MYOCD: variants seen among roughly 807,000 people sequenced by gnomAD.
The protein encoded by MYOCD is myocardin.
MYOCD carries 32 observed loss-of-function variants against 96.1 expected under a neutral mutation model. The observed-to-expected ratio is 0.33, with a 90% CI of 0.25 to 0.45. MYOCD has a LOEUF of 0.45. Among genes scored for constraint, MYOCD ranks in the 20% least tolerant of loss-of-function variants. The probability of loss-of-function intolerance (pLI) is 1.00; values close to 1 mark genes in which losing one functional copy is unlikely to be tolerated. For synonymous variants in MYOCD, 469 were observed against 469.0 expected, an observed-to-expected ratio of 1.00 and a Z score of 0.00; for missense variants, 1,133 against 1,200.6, an observed-to-expected ratio of 0.94 and a Z score of 0.83.
rs755516992 is a variant in MYOCD, at chr17:12,752,726, C to T, written c.1438C>T (p.Pro480Ser). 2 of 1,614,168 alleles carry T rather than the reference C, an allele frequency of 1.2e-6. No individual in the cohort carries two copies. Among genetic ancestry groups the T allele is most frequent in the East Asian group, 2.2e-5 (1 of 44,880 alleles). The change falls in exon 10 of 14, where the codon CCC (proline) becomes TCC (serine). Residue 480 changes from proline to serine, a missense_variant. Pro to Ser is a moderately conservative substitution (Grantham distance 74). Transcript: ENST00000425538. ...GCCGGACACCTTCAATGATGCCTCC[C>T]CCTCCTTCGGCCTGCACCCGTCCCC... is the stretch of plus-strand genomic sequence containing the variant. ...SLPDTFNDASPSFGLHPSPVH... is the reference protein window; with the variant it reads ...SLPDTFNDASSSFGLHPSPVH...
intron 5 of MYOCD, among the ~76,000 whole-genome samples, chr17:12,735,058 G>A (rs769472792): frequency 3.9e-5 from 6 of 152,162 alleles, no homozygotes; most frequent in Non-Finnish European, 8.8e-5. Context: ...GCCAGCAGTG[G>A]TGGCGATGAC....
Position 12,752,703 on chromosome 17 carries a change from C to G in MYOCD, c.1415C>G (p.Pro472Arg). 6.2e-7 allele frequency: 1 copy of G among 1,614,190 alleles called. No individual in the cohort carries two copies. Among genetic ancestry groups the G allele is most frequent in the Non-Finnish European group, 8.5e-7 (1 of 1,180,038 alleles). Residue 472 changes from proline to arginine, a missense_variant, in exon 10 of 14, where the codon CCG becomes CGG. Pro to Arg is a moderately radical substitution (Grantham distance 103). Transcript: ENST00000425538. ...SSDLSVAGSL[P>R]DTFNDASPSF... is the part of the protein sequence containing the mutation. ...GACCTGTCAGTCGCTGGGTCCCTGC[C>G]GGACACCTTCAATGATGCCTCCCCC...
At position 12,717,353 on chromosome 17, in the gene MYOCD, A is replaced by C; in HGVS notation, c.185A>C (p.Asn62Thr). The C allele has an allele frequency of 6.2e-7, 1 of 1,614,012 alleles. No homozygotes were observed. Among genetic ancestry groups the C allele is most frequent in the Non-Finnish European group, 8.5e-7 (1 of 1,179,906 alleles). The change falls in exon 4 of 14, where the codon AAT becomes ACT. Residue 62 changes from asparagine (N) to threonine (T), a missense_variant. Physicochemically the swap from Asn to Thr is moderately conservative, Grantham distance 65. Transcript: ENST00000425538. ...CTTGTTTGGGTTCTACAGGCTAAAA[A>C]TTCCCTGAAGCGCAAAGCCAGAAAC... ...RKHLDSDKAK[N>T]SLKRKARNRC... is the part of the protein sequence containing the mutation.
At chr17:12,695,515 T>C (rs1378437873) in intron 1 of MYOCD, among the ~76,000 whole-genome samples, 1 of 152,238 alleles carries the variant, frequency 6.6e-6, no homozygotes, top group African/African-American at 2.4e-5. Context: ...TGTTTCTGCA[T>C]TAAGCTCATA....
Position 12,717,331 on chromosome 17 carries a change from G to A in MYOCD, c.178-15G>A, listed in dbSNP as rs1197650782. On this transcript the variant is annotated splice_polypyrimidine_tract_variant and intron_variant, in intron 3 of 13. Coordinates refer to ENST00000425538, the MANE Select transcript of MYOCD (RefSeq NM_001146312.3). ...AAGGTAAAACTAGGTGATTTCTCTT[G>A]TTTGGGTTCTACAGGCTAAAAATTC... The A allele has an allele frequency of 6.2e-7, 1 of 1,610,432 alleles. No homozygotes were observed. Among genetic ancestry groups the A allele is most frequent in the South Asian group, 1.1e-5 (1 of 90,686 alleles).
In MYOCD at chr17:12,697,335, G is replaced by GTATA. The variant is rs1007347099; in HGVS notation, c.56-7771_56-7768dup. Among the ~76,000 whole-genome samples the GTATA allele has an allele frequency of 2.5e-3, 233 of 92,000 alleles. 4 individuals carry two copies. Among genetic ancestry groups the GTATA allele is most frequent in the East Asian group, 6.5e-3 (20 of 3,096 alleles). The allele number at this position is 92,000 out of a possible 152,430, so 60.4% of individuals were successfully genotyped here. On this transcript the variant is annotated intron_variant, in intron 1 of 13. Coordinates refer to ENST00000425538, the MANE Select transcript of MYOCD (RefSeq NM_001146312.3). Reference sequence around the variant, plus strand: ...CTCATTCTTCTTTTCTGGTATAGGAGTATATATATATATATATATATATAT... The same window carrying GTATA: ...CTCATTCTTCTTTTCTGGTATAGGAGTATATATATATATATATATATATATATAT...
In MYOCD at chr17:12,752,650, C is replaced by T. The variant is rs772387820; in HGVS notation, c.1362C>T (p.Ser454=). 6 of 1,613,946 alleles carry T rather than the reference C, an allele frequency of 3.7e-6. No individual in the cohort carries two copies. Among genetic ancestry groups the T allele is most frequent in the Non-Finnish European group, 4.2e-6 (5 of 1,179,960 alleles). ...TCTACCACTTTGGCAGCACCAGCTC[C>T]AGCCCCCCGATCTCCCCAGCCTCCT... The part of the protein sequence containing the change: ...NGFYHFGSTS[S]SPPISPASSD... The change falls in exon 10 of 14, where the codon TCC becomes TCT. Residue 454 remains serine, a synonymous_variant. Transcript: ENST00000425538.
chr17:12,666,427 A>T (rs1909379009), intron 1 of MYOCD, among the ~76,000 whole-genome samples, 184 bp downstream of exon 1: 1 of 152,128 alleles, frequency 6.6e-6, no homozygotes, highest in Non-Finnish European at 1.5e-5. Flanking sequence ...CTTCCGTTGT[A>T]AGTGCTTTGG....
At position 12,730,264 on chromosome 17, in the gene MYOCD, C is replaced by T. The variant is rs145985495; in HGVS notation, c.416-5897C>T. Among the ~76,000 whole-genome samples, 572 of 151,978 alleles carry T rather than the reference C, an allele frequency of 3.8e-3. 9 individuals are homozygous for T. The highest frequency in any genetic ancestry group is 0.037 in the East Asian group (190 of 5,140). ...AGAAGTTCGAGACCAACCTGACCAA[C>T]GTGGAGAAACCCCATCTCTACTAAA... On this transcript the variant is annotated intron_variant, in intron 5 of 13. Transcript: ENST00000425538.
At position 12,767,377 on chromosome 17, in the gene MYOCD, G is replaced by T. The variant is rs1354689595; in HGVS notation, c.*3733G>T. On this transcript the variant is annotated 3_prime_UTR_variant, in exon 14 of 14. Transcript: ENST00000425538. ...ATGTTATTTATTTTAAAGTCAATCA[G>T]CTCTTTTAGAAACAGATTCTGGTCT... is the stretch of plus-strand genomic sequence containing the variant. 7 of 152,156 alleles carry T rather than the reference G, an allele frequency of 4.6e-5. No homozygotes were observed. The highest frequency in any genetic ancestry group is 7.3e-5 in the Non-Finnish European group (5 of 68,034). 9.4% of individuals were successfully genotyped at this position (152,156 alleles called of 1,614,324 possible).
In MYOCD at chr17:12,744,273, C is replaced by A; in HGVS notation, c.808C>A (p.Pro270Thr). 6.2e-7 allele frequency: 1 copy of A among 1,614,184 alleles called. No homozygotes were observed. Among genetic ancestry groups the A allele is most frequent in the Non-Finnish European group, 8.5e-7 (1 of 1,180,038 alleles). The change falls in exon 8 of 14, where the codon CCC becomes ACC. Residue 270 changes from proline to threonine, a missense_variant. Coordinates refer to ENST00000425538, the MANE Select transcript of MYOCD (RefSeq NM_001146312.3). ...VKKLKYHQYI[P>T]PDQKAEKSPP... Reference sequence around the variant, plus strand: ...GAAGCTTAAATATCACCAGTACATTCCCCCAGACCAGAAGGCAGAGAAGTC... The same window carrying A: ...GAAGCTTAAATATCACCAGTACATTACCCCAGACCAGAAGGCAGAGAAGTC...
chr17:12,692,915 A>G (rs1261690583), intron 1 of MYOCD, among the ~76,000 whole-genome samples: 2 of 152,156 alleles, frequency 1.3e-5, no homozygotes, highest in Non-Finnish European at 2.9e-5. Flanking sequence ...ATTATTGGGA[A>G]GGCATTAGTG....
intron 2 of MYOCD, among the ~76,000 whole-genome samples, chr17:12,714,836 T>C (rs1010849192): frequency 1.3e-4 from 20 of 152,134 alleles, no homozygotes; most frequent in African/African-American, 4.6e-4. Context: ...TATCACATCT[T>C]GAAAGAGGTT....
chr17:12,699,341 T>C (rs2030947140), intron 1 of MYOCD, among the ~76,000 whole-genome samples: 1 of 151,684 alleles, frequency 6.6e-6, no homozygotes, highest in Non-Finnish European at 1.5e-5. Flanking sequence ...GCCAGGCTGC[T>C]CTTGAGCTCT....
intron 6 of MYOCD, among the ~76,000 whole-genome samples, chr17:12,737,177 A>C (rs903658800): frequency 2.6e-5 from 4 of 152,036 alleles, no homozygotes; most frequent in African/African-American, 9.6e-5. Context: ...ATCACTTGAA[A>C]CCGGAAGGCA....
chr17:12,700,097 G>A (rs189870093), intron 1 of MYOCD, among the ~76,000 whole-genome samples: 1 of 151,540 alleles, frequency 6.6e-6, no homozygotes, highest in African/African-American at 2.4e-5. Context: ...TTTTAGTAGA[G>A]ACGGGGTTTT....
chr17:12,682,416 A>T, intron 1 of MYOCD, among the ~76,000 whole-genome samples: 1 of 152,202 alleles, frequency 6.6e-6, no homozygotes. Context: ...ATCAGCCAAT[A>T]GCTTTCCCAA....
chr17:12,767,547 T>A lies in MYOCD; in HGVS notation c.*3903T>A. On this transcript the variant is annotated 3_prime_UTR_variant, in exon 14 of 14. Coordinates refer to ENST00000425538, the MANE Select transcript of MYOCD (RefSeq NM_001146312.3). ...GATTTGAATGACCAGGGAGTTGTAT[T>A]TGCACATGCAAGAACACTAAGAATC... is the stretch of plus-strand genomic sequence containing the variant. 6.6e-6 allele frequency: 1 copy of A among 152,182 alleles called. No individual in the cohort carries two copies. The highest frequency in any genetic ancestry group is 3.2e-3 in the Middle Eastern group (1 of 316). 9.4% of individuals were successfully genotyped at this position (152,182 alleles called of 1,614,324 possible). A position where few individuals can be genotyped will look rare whatever the true frequency, so the allele number is the denominator to read the frequency against.
intron 1 of MYOCD, among the ~76,000 whole-genome samples, chr17:12,685,141 GA>G (rs1460919513): frequency 6.7e-6 from 1 of 148,182 alleles, no homozygotes; most frequent in Non-Finnish European, 1.5e-5. Context: ...ACTAAAAGTA[GA>G]AAAAATATTA....
Sources: allele counts gnomAD v4.1 joint callset (sites outside exome capture counted in the v4.1 genomes callset), GRCh38; gene constraint gnomAD v4.1.1; transcripts MANE v1.5; gene names NCBI Gene and HGNC (gene_info 2026-07-23, HGNC 2026-07-21).